CALN1: variants seen among roughly 807,000 people sequenced by gnomAD.
The protein encoded by CALN1 is calcium-binding protein 8.
In CALN1, 17 loss-of-function variants were observed where a neutral mutation model predicts 30.6. The ratio of observed to expected loss-of-function variants is 0.56; its 90% confidence interval spans 0.38 to 0.83. The LOEUF is 0.83. CALN1 is among the 40% of genes least tolerant of loss of function. The pLI, the probability that CALN1 is intolerant of heterozygous loss-of-function variation, is 0.00. For synonymous variants in CALN1, 156 were observed against 131.4 expected, an observed-to-expected ratio of 1.19 and a Z score of -1.28; for missense variants, 291 against 354.9, an observed-to-expected ratio of 0.82 and a Z score of 1.45.
At chr7:72,189,135 C>T (rs1012670279) in intron 3 of CALN1, among the ~76,000 whole-genome samples, 2 of 152,160 alleles carry the variant, frequency 1.3e-5, no homozygotes, top group East Asian at 1.9e-4. Flanking sequence ...TAAAAACATA[C>T]GTGAGCTTCA....
chr7:72,341,351 C>T (rs1802374518), intron 2 of CALN1, among the ~76,000 whole-genome samples: 1 of 152,062 alleles, frequency 6.6e-6, no homozygotes, highest in African/African-American at 2.4e-5. Flanking sequence ...GGTGAAACCA[C>T]GCCTCTACTA....
At chr7:72,324,628 G>GCT (rs1235433323) in intron 2 of CALN1, among the ~76,000 whole-genome samples, 1 of 151,512 alleles carries the variant, frequency 6.6e-6, no homozygotes, top group Non-Finnish European at 1.5e-5. Context: ...TGTTGGCCAG[G>GCT]CTGGAGCTCA....
In CALN1 at chr7:72,031,508, CTG is replaced by C. The variant is rs1801433898; in HGVS notation, c.389-7741_389-7740del. Reference sequence around the variant, plus strand: ...TTAGAAAAAAAGAGGTTAAGAATAACTGTATCAAGGCCATGCAGCTACCATGA... The same window carrying C: ...TTAGAAAAAAAGAGGTTAAGAATAACTATCAAGGCCATGCAGCTACCATGA... On this transcript the variant is annotated intron_variant, in intron 4 of 6. Transcript: ENST00000395275. 5.3e-5 allele frequency among the ~76,000 whole-genome samples: 8 copies of C among 152,112 alleles called. No homozygotes were observed. The South Asian group carries it at 1.7e-3, about 32-fold the overall frequency.
chr7:72,354,064 C>G (rs1445986264), intron 2 of CALN1, among the ~76,000 whole-genome samples: 1 of 151,896 alleles, frequency 6.6e-6, no homozygotes, highest in Non-Finnish European at 1.5e-5. Flanking sequence ...GTGGGCCCCT[C>G]TAATCCCAGC....
chr7:72,006,452 C>T (rs919256116), intron 5 of CALN1, among the ~76,000 whole-genome samples: 1 of 152,054 alleles, frequency 6.6e-6, no homozygotes, highest in African/African-American at 2.4e-5. Context: ...GAACAAGCAA[C>T]AGTTATAACA....
intron 3 of CALN1, among the ~76,000 whole-genome samples, chr7:72,146,536 T>A (rs564115790): frequency 2.6e-5 from 4 of 152,166 alleles, no homozygotes; most frequent in African/African-American, 9.7e-5. Context: ...AAAATGGCCA[T>A]ACAGCCTAAG....
chr7:72,247,053 C>T (rs1795216242), intron 3 of CALN1, among the ~76,000 whole-genome samples: 1 of 151,698 alleles, frequency 6.6e-6, no homozygotes, highest in Admixed American at 6.6e-5. Flanking sequence ...TGTGCCCGGC[C>T]AGCCCTACCA....
At chr7:72,468,695 G>A in the CALN1 span, among the ~76,000 whole-genome samples, 2 of 150,410 alleles carry the variant, frequency 1.3e-5, no homozygotes, top group African/African-American at 5.0e-5. Context: ...AATGTACAAT[G>A]GGTTCCAATT....
chr7:72,503,246 A>G, the CALN1 span, among the ~76,000 whole-genome samples: 30 of 152,102 alleles, frequency 2.0e-4, no homozygotes, highest in African/African-American at 7.2e-4. Context: ...ACTATTCAGG[A>G]TGATCATTTT....
chr7:72,330,228 G>A (rs1230879177), intron 2 of CALN1, among the ~76,000 whole-genome samples: 1 of 152,080 alleles, frequency 6.6e-6, no homozygotes, highest in Non-Finnish European at 1.5e-5. Flanking sequence ...CAGAGGTGGA[G>A]GGTGCAGGGA....
intron 5 of CALN1, among the ~76,000 whole-genome samples, chr7:71,985,250 C>G: frequency 6.6e-6 from 1 of 152,184 alleles, no homozygotes; most frequent in East Asian, 1.9e-4. Context: ...TCATTTCACA[C>G]TCTGCGTATT....
intron 5 of CALN1, among the ~76,000 whole-genome samples, chr7:71,885,642 T>A (rs1415551320): frequency 2.6e-5 from 4 of 152,272 alleles, no homozygotes; most frequent in African/African-American, 9.6e-5. Context: ...TCCACAATAT[T>A]GTCTTTCTTT....
chr7:72,370,047 G>A lies in CALN1; in HGVS notation c.119+33204C>T, dbSNP rs187153783. Among the ~76,000 whole-genome samples, 258 of 152,228 alleles carry A rather than the reference G, an allele frequency of 1.7e-3. 1 individual carries two copies. The highest frequency in any genetic ancestry group is 5.7e-3 in the African/African-American group (237 of 41,540). ...GTTATTTTTAAAACCACCAAACACC[G>A]TTAATACAAAATAGTTGTACCATTT... On this transcript the variant is annotated intron_variant, in intron 2 of 6. Coordinates refer to ENST00000395275, the MANE Select transcript of CALN1 (RefSeq NM_031468.4).
intron 5 of CALN1, among the ~76,000 whole-genome samples, chr7:71,825,214 T>C (rs1484186012): frequency 1.3e-5 from 2 of 152,084 alleles, no homozygotes; most frequent in Non-Finnish European, 2.9e-5. Context: ...CTGACTGGTA[T>C]GGTTTGGCTG....
At chr7:72,437,002 G>C (rs1808180879) in intron 1 of CALN1, among the ~76,000 whole-genome samples, 1 of 151,976 alleles carries the variant, frequency 6.6e-6, no homozygotes, top group African/African-American at 2.4e-5. Flanking sequence ...TTGAGCCAAG[G>C]AGGACAAGTC....
At chr7:72,083,224 A>G (rs1392304076) in intron 4 of CALN1, among the ~76,000 whole-genome samples, 5 of 152,084 alleles carry the variant, frequency 3.3e-5, no homozygotes, top group Non-Finnish European at 2.9e-5. Flanking sequence ...AGAAAGTGTG[A>G]CTGATATGCA....
chr7:71,798,071 GAGAGAGAC>G (rs1787038061), intron 6 of CALN1, among the ~76,000 whole-genome samples: 8 of 124,548 alleles, frequency 6.4e-5, no homozygotes, highest in African/African-American at 3.0e-4. Flanking sequence ...CAGAGAGAGA[GAGAGAGAC>G]AGAGAGAGAC....
chr7:71,911,875 C>T (rs1220610257), intron 5 of CALN1, among the ~76,000 whole-genome samples: 5 of 152,010 alleles, frequency 3.3e-5, no homozygotes, highest in Non-Finnish European at 7.3e-5. Flanking sequence ...AAAGTAACGA[C>T]GAAGATGAGT....
At chr7:72,260,709 G>A (rs1796207015) in intron 3 of CALN1, among the ~76,000 whole-genome samples, 1 of 151,970 alleles carries the variant, frequency 6.6e-6, no homozygotes. Context: ...TTGGCTATCT[G>A]AGGAGCCCCC....
Sources: allele counts gnomAD v4.1 joint callset (sites outside exome capture counted in the v4.1 genomes callset), GRCh38; gene constraint gnomAD v4.1.1; transcripts MANE v1.5; gene names NCBI Gene and HGNC (gene_info 2026-07-23, HGNC 2026-07-21).